Variants in CEPT1 observed in about 807,000 individuals in gnomAD.
The protein encoded by CEPT1 is choline/ethanolaminephosphotransferase 1.
In CEPT1, 7 loss-of-function variants were observed where a neutral mutation model predicts 42.6. The ratio of observed to expected loss-of-function variants is 0.16; its 90% CI spans 0.09 to 0.31. CEPT1 has a LOEUF of 0.31. Among genes scored for constraint, CEPT1 ranks in the 10% least tolerant of loss-of-function variants. The pLI, the probability that CEPT1 is intolerant of heterozygous loss-of-function variation, is 1.00. For missense variants in CEPT1, 306 were observed against 502.1 expected (o/e 0.61, Z 3.73); for synonymous variants, 171 against 171.9 (o/e 0.99, Z 0.04).
rs1020291226 is a variant in CEPT1, at chr1:111,159,265, G to C, written c.340-115G>C. The C allele has an allele frequency of 5.3e-6, 5 of 941,622 alleles. No homozygotes were observed. The African/African-American group carries it at 8.5e-5, about 16-fold the overall frequency. 58.3% of individuals were successfully genotyped at this position (941,622 alleles called of 1,614,324 possible). ...GTGAGTTCTTCATTATGTAGCACTT[G>C]GATCTTCTCTCCCATAGCTTCCAAC... On this transcript the variant is annotated intron_variant, in intron 2 of 8. Coordinates refer to ENST00000357172, the MANE Select transcript of CEPT1 (RefSeq NM_006090.5).
intron 7 of CEPT1, 102 bp downstream of exon 7, chr1:111,183,059 T>C (rs1393923419): frequency 8.4e-7 from 1 of 1,192,098 alleles, no homozygotes; most frequent in African/African-American, 1.5e-5. Flanking sequence ...GTCCTAGAGT[T>C]TGCCCTCTTC....
Position 111,147,636 on chromosome 1 carries a change from T to G in CEPT1, c.-73-6T>G. On this transcript the variant is annotated splice_region_variant and splice_polypyrimidine_tract_variant and intron_variant, in intron 1 of 8. Coordinates refer to ENST00000357172, the MANE Select transcript of CEPT1 (RefSeq NM_006090.5). ...TTTTTAATTTTTATTTTATTTTATT[T>G]TTTAGGTAAGCACCAGCCACAAAAA... is the stretch of plus-strand genomic sequence containing the variant. 1 of 927,974 alleles carries G rather than the reference T, an allele frequency of 1.1e-6. No individual in the cohort carries two copies. The highest frequency in any genetic ancestry group is 1.6e-6 in the Non-Finnish European group (1 of 636,476). The allele number at this position is 927,974 out of a possible 1,614,324, so 57.5% of individuals were successfully genotyped here.
intron 5 of CEPT1, chr1:111,180,699 C>A (rs1656929242): frequency 6.6e-6 from 1 of 152,094 alleles, no homozygotes; most frequent in Admixed American, 6.5e-5. Context: ...GTTATCTCAA[C>A]AAAGTGAGTT....
At chr1:111,178,026 A>AT (rs1571155130) in intron 5 of CEPT1, among the ~76,000 whole-genome samples, 2 of 152,114 alleles carry the variant, frequency 1.3e-5, no homozygotes. Context: ...TCACTATATT[A>AT]TTTTTTTCTT....
At chr1:111,158,902 CTTTTTTTT>C (rs149230078) in intron 2 of CEPT1, among the ~76,000 whole-genome samples, 1,611 of 55,302 alleles carry the variant, frequency 0.029, 14 homozygotes, top group African/African-American at 0.1. Flanking sequence ...TTTTACAATT[CTTTTTTTT>C]TTTTTTTTTT....
At chr1:111,168,575 G>A (rs552332542) in intron 4 of CEPT1, among the ~76,000 whole-genome samples, 4 of 151,180 alleles carry the variant, frequency 2.6e-5, no homozygotes, top group African/African-American at 9.7e-5. Flanking sequence ...TGCAAGCTCC[G>A]CCTCCCAGGT....
intron 6 of CEPT1, 164 bp downstream of exon 6, chr1:111,182,482 C>A: frequency 1.4e-6 from 1 of 710,408 alleles, no homozygotes; most frequent in Non-Finnish European, 2.3e-6. Flanking sequence ...TATACTTACC[C>A]ACATTTATAT....
intron 1 of CEPT1, chr1:111,143,576 G>A (rs1264026256): frequency 6.6e-6 from 1 of 151,996 alleles, no homozygotes; most frequent in Non-Finnish European, 1.5e-5. Context: ...TGTTAAGACT[G>A]GTGGCTAGGT....
chr1:111,168,723 C>T (rs1474294955), intron 4 of CEPT1, among the ~76,000 whole-genome samples: 2 of 152,144 alleles, frequency 1.3e-5, no homozygotes, highest in Non-Finnish European at 1.5e-5. Flanking sequence ...CTCCTGACCT[C>T]GTGATCTGCC....
At chr1:111,164,098 T>A (rs1427045338) in intron 4 of CEPT1, among the ~76,000 whole-genome samples, 1 of 152,216 alleles carries the variant, frequency 6.6e-6, no homozygotes, top group East Asian at 1.9e-4. Flanking sequence ...CTCTTTATTA[T>A]TACTGTTTTT....
intron 5 of CEPT1, chr1:111,180,342 C>T (rs1258405093): frequency 6.6e-6 from 1 of 152,114 alleles, no homozygotes; most frequent in Non-Finnish European, 1.5e-5. Flanking sequence ...AAACTAGCCA[C>T]AGTATTGAGT....
In CEPT1 at chr1:111,184,018, C is replaced by T. The variant is rs193182030; in HGVS notation, c.1132-173C>T. ...AGGCCCATAAAGCTTAAAATATTTGCCATCTGTCTCTCTAACAAAGAGTTT... is the reference window on the plus strand; with the variant it reads ...AGGCCCATAAAGCTTAAAATATTTGTCATCTGTCTCTCTAACAAAGAGTTT... On this transcript the variant is annotated intron_variant, in intron 8 of 8. Transcript: ENST00000357172. 2.1e-3 allele frequency among the ~76,000 whole-genome samples: 320 copies of T among 152,232 alleles called. 2 individuals carry two copies. The highest frequency in any genetic ancestry group is 1.4e-3 in the East Asian group (7 of 5,180).
intron 5 of CEPT1, chr1:111,180,225 T>A (rs1656902770): frequency 6.6e-6 from 1 of 152,180 alleles, no homozygotes; most frequent in South Asian, 2.1e-4. Context: ...ATGCTTTGCT[T>A]CTTTTGGAAT....
In CEPT1 at chr1:111,151,351, T is replaced by C. The variant is rs1382138249; in HGVS notation, c.339+3298T>C. On this transcript the variant is annotated intron_variant, in intron 2 of 8. Transcript: ENST00000357172. Reference sequence around the variant, plus strand: ...GTTGGCCAGAATGATCTCAATCTCTTGTTCTTGTAATCCACCCACCTTGGC... The same window carrying C: ...GTTGGCCAGAATGATCTCAATCTCTCGTTCTTGTAATCCACCCACCTTGGC... Among the ~76,000 whole-genome samples, 4 of 152,318 alleles carry C rather than the reference T, an allele frequency of 2.6e-5. No homozygotes were observed. In the East Asian group the frequency reaches 7.7e-4, roughly 29 times the overall value.
chr1:111,176,717 C>A (rs1656693679), intron 5 of CEPT1, among the ~76,000 whole-genome samples: 1 of 152,114 alleles, frequency 6.6e-6, no homozygotes, highest in Non-Finnish European at 1.5e-5. Context: ...TTTTCATATA[C>A]ACCTTATACA....
At chr1:111,148,296 T>C (rs1185274896) in intron 2 of CEPT1, among the ~76,000 whole-genome samples, 1 of 152,018 alleles carries the variant, frequency 6.6e-6, no homozygotes, top group African/African-American at 2.4e-5. Context: ...ACATGTAAAA[T>C]GTTCCTTTTA....
At chr1:111,144,320 G>A (rs1654833449) in intron 1 of CEPT1, among the ~76,000 whole-genome samples, 1 of 152,210 alleles carries the variant, frequency 6.6e-6, no homozygotes, top group Admixed American at 6.5e-5. Context: ...AAGTAAAGTA[G>A]CCATCTGTAG....
At chr1:111,158,580 C>A (rs1655695401) in intron 2 of CEPT1, among the ~76,000 whole-genome samples, 1 of 152,070 alleles carries the variant, frequency 6.6e-6, no homozygotes, top group Non-Finnish European at 1.5e-5. Flanking sequence ...CATTATGTCC[C>A]CCTCTTGAAT....
intron 4 of CEPT1, among the ~76,000 whole-genome samples, chr1:111,174,397 A>G (rs2101375681): frequency 6.6e-6 from 1 of 152,248 alleles, no homozygotes; most frequent in African/African-American, 2.4e-5. Context: ...CAGACATTAA[A>G]TGAATATATC....
Sources: gnomAD v4.1 joint callset for allele counts (sites outside exome capture counted in the v4.1 genomes callset) on GRCh38, gnomAD v4.1.1 for gene constraint, MANE v1.5 for transcripts, NCBI Gene and HGNC (gene_info 2026-07-23, HGNC 2026-07-21) for gene names.